TRO: variants seen among roughly 807,000 people sequenced by gnomAD.
TRO encodes MAGE superfamily protein.
TRO carries 29 observed loss-of-function variants against 42.3 expected under a neutral mutation model. The observed-to-expected ratio is 0.68, with a 90% confidence interval of 0.51 to 0.93. The LOEUF (loss-of-function observed/expected upper bound fraction) is 0.93. Ranked by LOEUF, TRO falls within the 40% of genes least tolerant of loss-of-function variation. TRO has a pLI of 0.00. For missense variants in TRO, 963 were observed against 1,127.7 expected (o/e 0.85, Z 2.09); for synonymous variants, 384 against 425.2 (o/e 0.90, Z 1.19).
intron 1 of TRO, 27 bp from the exon 2 acceptor site, chrX:54,922,176 C>A (rs914977392): frequency 1.8e-6 from 2 of 1,099,867 alleles, no homozygotes; most frequent in Non-Finnish European, 2.5e-6. Flanking sequence ...TGATGAATCT[C>A]CCCCTCCCTC....
Position 54,930,659 on chromosome X carries a change from GC to G in TRO, c.3937del (p.Leu1313SerfsTer19). On this transcript the variant is annotated frameshift_variant, in exon 12 of 13. Coordinates refer to ENST00000173898, the MANE Select transcript of TRO (RefSeq NM_001039705.3). LOFTEE classifies it low-confidence loss of function (END_TRUNC). ...TLGTSAGFSG[G>X]LSTSDGFGSR... ...GGCACCAGTGCTGGCTTTAGTGGTG[GC>G]CTCAGCACCAGCGATGGCTTTGGCA... is the stretch of plus-strand genomic sequence containing the variant. 21 of 1,211,468 alleles carry G rather than the reference GC, an allele frequency of 1.7e-5. No individual in the cohort carries two copies. Among genetic ancestry groups the G allele is most frequent in the Non-Finnish European group, 2.3e-5 (21 of 895,016 alleles).
In TRO at chrX:54,923,305, C is replaced by T. The variant is rs769042607; in HGVS notation, c.773C>T (p.Ser258Phe). The change falls in exon 3 of 13, where the codon TCC (serine) becomes TTC (phenylalanine). Residue 258 changes from serine (S) to phenylalanine (F), a missense_variant. By Grantham distance (155) the Ser-to-Phe change is radical. This residue lies in a region of TRO where 322 missense variants were observed against 316.5 expected (regional missense o/e 1.02). Coordinates refer to ENST00000173898, the MANE Select transcript of TRO (RefSeq NM_001039705.3). ...TAASIRTKKA[S>F]KARKTIAKVI... ...GCCTCCATCCGAACCAAGAAAGCCTCCAAAGCCAGGAAGACAATTGCTAAG... is the reference window on the plus strand; with the variant it reads ...GCCTCCATCCGAACCAAGAAAGCCTTCAAAGCCAGGAAGACAATTGCTAAG... The T allele has an allele frequency of 1.7e-6, 2 of 1,211,354 alleles. No individual in the cohort carries two copies. The highest frequency in any genetic ancestry group is 1.1e-6 in the Non-Finnish European group (1 of 895,315).
Position 54,922,906 on chromosome X carries a change from C to T in TRO, c.374C>T (p.Thr125Ile). The change falls in exon 3 of 13, where the codon ACC becomes ATC. Residue 125 changes from threonine (T) to isoleucine (I), a missense_variant. By Grantham distance (89) the Thr-to-Ile change is moderately conservative (BLOSUM62 -1). Transcript: ENST00000173898. ...CAGGCTTTACCTACCACTGAGGTAACCAATACTCAGGCTTCTTCAGTCACT... is the reference window on the plus strand; with the variant it reads ...CAGGCTTTACCTACCACTGAGGTAATCAATACTCAGGCTTCTTCAGTCACT... ...ISQALPTTEV[T>I]NTQASSVTAQ... is the part of the protein sequence containing the mutation. 3 of 1,211,787 alleles carry T rather than the reference C, an allele frequency of 2.5e-6. No individual in the cohort carries two copies. The highest frequency in any genetic ancestry group is 2.2e-6 in the Non-Finnish European group (2 of 895,505).
chrX:54,922,294 G>C lies in TRO; in HGVS notation c.45+3G>C, dbSNP rs1200663769. 2 of 1,208,069 alleles carry C rather than the reference G, an allele frequency of 1.7e-6. No homozygotes were observed. The stretch of plus-strand genomic sequence containing the variant: ...GATATAGGGTGCCTCTATTTCAGGT[G>C]AGGCCTCTCTGCATTCTCTCTAGGC... On this transcript the variant is annotated splice_donor_region_variant and intron_variant, in intron 2 of 12. Coordinates refer to ENST00000173898, the MANE Select transcript of TRO (RefSeq NM_001039705.3).
In TRO at chrX:54,930,218, C is replaced by T; in HGVS notation, c.3494C>T (p.Thr1165Ile). The T allele has an allele frequency of 1.6e-6, 2 of 1,212,321 alleles. No homozygotes were observed. Among genetic ancestry groups the T allele is most frequent in the Non-Finnish European group, 1.1e-6 (1 of 895,640 alleles). ...CTCTGCTTTGGCAGTGCATCTAATACTAACCTATGCTTTGGTGGCCCTCCT... is the reference window on the plus strand; with the variant it reads ...CTCTGCTTTGGCAGTGCATCTAATATTAACCTATGCTTTGGTGGCCCTCCT... ...TSLCFGSASN[T>I]NLCFGGPPST... is the part of the protein sequence containing the mutation. The change falls in exon 12 of 13, where the codon ACT becomes ATT. Residue 1165 changes from threonine to isoleucine, a missense_variant. Physicochemically the swap from Thr to Ile is moderately conservative, Grantham distance 89. Around this residue, in one of 2 missense-constraint regions of TRO, gnomAD observed 641 missense variants for 811.3 expected, o/e 0.79. Coordinates refer to ENST00000173898, the MANE Select transcript of TRO (RefSeq NM_001039705.3).
intron 10 of TRO, 66 bp from the exon 11 acceptor site, chrX:54,927,601 C>A: frequency 1.1e-6 from 1 of 886,103 alleles, no homozygotes; most frequent in African/African-American, 2.0e-5. Context: ...AGGTTGCCAC[C>A]TGGTGTCTAG....
At chrX:54,927,864 G>A in intron 11 of TRO, 83 bp downstream of exon 11, 1 of 757,787 alleles carries the variant, frequency 1.3e-6, no homozygotes, top group East Asian at 3.3e-5. Flanking sequence ...GGGATGGGCA[G>A]GTACAGAGCA....
chrX:54,930,868 A>G lies in TRO; in HGVS notation c.4144A>G (p.Ser1382Gly). 1 of 1,211,022 alleles carries G rather than the reference A, an allele frequency of 8.3e-7. No homozygotes were observed. The highest frequency in any genetic ancestry group is 1.8e-5 in the South Asian group (1 of 56,949). ...TGGTGTTGGCTTCTGCAGTGGACCA[A>G]GCACCAGTGGCTTCAGCGGTGGACC... ...STGVGFCSGP[S>G]TSGFSGGPST... Residue 1382 changes from serine to glycine, a missense_variant, in exon 12 of 13, where the codon AGC becomes GGC. Ser to Gly is a moderately conservative substitution (Grantham distance 56). This residue lies in a region of TRO where 641 missense variants were observed against 811.3 expected (regional missense o/e 0.79). Coordinates refer to ENST00000173898, the MANE Select transcript of TRO (RefSeq NM_001039705.3).
intron 11 of TRO, 105 bp from the exon 12 acceptor site, chrX:54,928,498 C>CT: frequency 1.0e-6 from 1 of 986,926 alleles, no homozygotes; most frequent in South Asian, 2.8e-5. Context: ...GCCCCAATAA[C>CT]TGAGAAGTTT....
intron 1 of TRO, 99 bp from the exon 2 acceptor site, chrX:54,922,104 G>C: frequency 1.6e-6 from 1 of 626,929 alleles, no homozygotes; most frequent in Non-Finnish European, 2.4e-6. Context: ...AAACCCAGGA[G>C]TTGAAGGGAT....
Position 54,928,888 on chromosome X carries a change from A to G in TRO, c.2164A>G (p.Asn722Asp), listed in dbSNP as rs199829748. 1.2e-5 allele frequency: 15 copies of G among 1,210,612 alleles called. No homozygotes were observed. Among genetic ancestry groups the G allele is most frequent in the Non-Finnish European group, 1.7e-5 (15 of 895,215 alleles). ...AAATGCAGATGCCAGCACCAACGTC[A>G]ACTTCAGCAGAGGAGCTAGTACCAG... ...QENADASTNV[N>D]FSRGASTRAG... Residue 722 changes from asparagine to aspartate, a missense_variant, in exon 12 of 13, where the codon AAC (asparagine) becomes GAC (aspartate). By Grantham distance (23) the Asn-to-Asp change is conservative. Coordinates refer to ENST00000173898, the MANE Select transcript of TRO (RefSeq NM_001039705.3).
At position 54,922,987 on chromosome X, in the gene TRO, G is replaced by C. The variant is rs1437413952; in HGVS notation, c.455G>C (p.Gly152Ala). 1 of 1,210,266 alleles carries C rather than the reference G, an allele frequency of 8.3e-7. No homozygotes were observed. The highest frequency in any genetic ancestry group is 2.2e-5 in the Admixed American group (1 of 45,795). ...MKRVTAKAAQ[G>A]SQSPTGHEGG... ...AGAGTTACTGCCAAGGCAGCCCAAGGCTCCCAATCCCCAACTGGCCATGAG... is the reference window on the plus strand; with the variant it reads ...AGAGTTACTGCCAAGGCAGCCCAAGCCTCCCAATCCCCAACTGGCCATGAG... Residue 152 changes from glycine to alanine, a missense_variant, in exon 3 of 13, where the codon GGC (glycine) becomes GCC (alanine). Physicochemically the swap from Gly to Ala is moderately conservative, Grantham distance 60 (BLOSUM62 0). Transcript: ENST00000173898.
chrX:54,923,733 C>A lies in TRO; in HGVS notation c.1201C>A (p.Pro401Thr), dbSNP rs1327613737. 1.7e-6 allele frequency: 2 copies of A among 1,206,174 alleles called. No individual in the cohort carries two copies. The highest frequency in any genetic ancestry group is 2.2e-5 in the Admixed American group (1 of 45,127). The stretch of plus-strand genomic sequence containing the variant: ...CTATCTGGCTCAGTTGAGCCTGGAG[C>A]CCACAACCAGGACCCGGGGCAAAAG... ...DDYLAQLSLE[P>T]TTRTRGKRNR... is the part of the protein sequence containing the mutation. The change falls in exon 3 of 13, where the codon CCC (proline) becomes ACC (threonine). Residue 401 changes from proline (P) to threonine (T), a missense_variant. Around this residue, in one of 2 missense-constraint regions of TRO, gnomAD observed 322 missense variants for 316.5 expected, o/e 1.02. Transcript: ENST00000173898.
intron 10 of TRO, 32 bp downstream of exon 10, chrX:54,927,137 G>C: frequency 8.3e-7 from 1 of 1,202,994 alleles, no homozygotes. Context: ...GTCTGGCCCT[G>C]AAGTGTTCTG....
chrX:54,928,818 G>A lies in TRO; in HGVS notation c.2094G>A (p.Gln698=), dbSNP rs1569546367. 1.7e-6 allele frequency: 2 copies of A among 1,211,813 alleles called. No homozygotes were observed. Among genetic ancestry groups the A allele is most frequent in the East Asian group, 3.0e-5 (1 of 33,860 alleles). The stretch of plus-strand genomic sequence containing the variant: ...GGGAAGAGTTAGGCGATGATGCTCA[G>A]GCCTGGAGCAGATTTTCATTTGAAA... ...LTREELGDDA[Q]AWSRFSFEIE... is the part of the protein sequence containing the mutation. The change falls in exon 12 of 13, where the codon CAG becomes CAA. Residue 698 remains glutamine, a synonymous_variant. Transcript: ENST00000173898.
At position 54,923,646 on chromosome X, in the gene TRO, C is replaced by T. The variant is rs1471510312; in HGVS notation, c.1114C>T (p.Gln372Ter). The T allele has an allele frequency of 4.1e-6, 5 of 1,209,408 alleles. No individual in the cohort carries two copies. The highest frequency in any genetic ancestry group is 1.7e-5 in the African/African-American group (1 of 57,490). ...GGCCCAGGCCAAGATAGCCTCTGCT[C>T]AGACCAACGTAAGTGCCCTTGAGAC... ...QGAQAKIASA[Q>*]TNVSALETQV... The change falls in exon 3 of 13, where the codon CAG becomes TAG. Residue 372 changes from glutamine (Q) to a stop codon, truncating the protein, a stop_gained. Coordinates refer to ENST00000173898, the MANE Select transcript of TRO (RefSeq NM_001039705.3). LOFTEE classifies it high-confidence loss of function.
In TRO at chrX:54,922,612, C is replaced by T; in HGVS notation, c.80C>T (p.Pro27Leu). The change falls in exon 3 of 13, where the codon CCC (proline) becomes CTC (leucine). Residue 27 changes from proline (P) to leucine (L), a missense_variant. Around this residue, in one of 2 missense-constraint regions of TRO, gnomAD observed 322 missense variants for 316.5 expected, o/e 1.02. Coordinates refer to ENST00000173898, the MANE Select transcript of TRO (RefSeq NM_001039705.3). ...CCTCCCCCGGGGAGCCTGGGGCTTC[C>T]CTTCCCTCCAGATATACAGACTGAG... ...PLPPPGSLGL[P>L]FPPDIQTETT... The T allele has an allele frequency of 8.3e-7, 1 of 1,210,500 alleles. No individual in the cohort carries two copies. Among genetic ancestry groups the T allele is most frequent in the Non-Finnish European group, 1.1e-6 (1 of 894,981 alleles).
Position 54,926,613 on chromosome X carries a change from G to T in TRO, c.1688G>T (p.Gly563Val). The T allele has an allele frequency of 8.3e-7, 1 of 1,211,697 alleles. No individual in the cohort carries two copies. Among genetic ancestry groups the T allele is most frequent in the African/African-American group, 1.7e-5 (1 of 57,837 alleles). The stretch of plus-strand genomic sequence containing the variant: ...ATCTGGGAGGTGCTGCGCAAGTTGG[G>T]GCTGCGCCCTGGGTATGACTGGGCT... ...AVIWEVLRKL[G>V]LRPGVRHSLF... Residue 563 changes from glycine to valine, a missense_variant, in exon 9 of 13, where the codon GGG becomes GTG. This residue lies in a region of TRO where 641 missense variants were observed against 811.3 expected (regional missense o/e 0.79). Transcript: ENST00000173898.
chrX:54,926,571 C>T lies in TRO; in HGVS notation c.1658-12C>T. 3 of 1,212,079 alleles carry T rather than the reference C, an allele frequency of 2.5e-6. No individual in the cohort carries two copies. The highest frequency in any genetic ancestry group is 3.3e-6 in the Non-Finnish European group (3 of 895,588). On this transcript the variant is annotated splice_polypyrimidine_tract_variant and intron_variant, in intron 8 of 12. Transcript: ENST00000173898. The stretch of plus-strand genomic sequence containing the variant: ...AATTTCTGTCCCTGTCTCCTCTTGC[C>T]TCCCCTCACAGCTGTCATCTGGGAG...
Sources: gnomAD v4.1 joint callset for allele counts on GRCh38, gnomAD v4.1.1 for gene constraint, gnomAD v4.1.1 regional missense constraint, MANE v1.5 for transcripts, NCBI Gene and HGNC (gene_info 2026-07-23, HGNC 2026-07-21) for gene names.